CAMK2A: variants seen among roughly 807,000 people sequenced by gnomAD.
CAMK2A encodes calcium/calmodulin dependent protein kinase II alpha, also known as calcium/calmodulin-dependent protein kinase type II subunit alpha.
Under a neutral mutation model 79.2 loss-of-function variants are expected in CAMK2A, and 7 were observed. That is an observed-to-expected ratio of 0.09 (90% CI 0.05 to 0.17). The LOEUF (loss-of-function observed/expected upper bound fraction) is 0.17, where lower values mean the gene tolerates loss of function less well. CAMK2A is among the 10% of genes least tolerant of loss of function. The pLI is 1.00. For synonymous variants in CAMK2A, 242 were observed against 251.7 expected (o/e 0.96, Z 0.36); for missense variants, 214 against 646.4 (o/e 0.33, Z 7.25).
At chr5:150,274,058 C>G (rs774071184) in intron 1 of CAMK2A, among the ~76,000 whole-genome samples, 3 of 152,156 alleles carry the variant, frequency 2.0e-5, no homozygotes, top group African/African-American at 4.8e-5. Flanking sequence ...TGCAAGAGTG[C>G]CTGTTTCCTT....
intron 2 of CAMK2A, among the ~76,000 whole-genome samples, chr5:150,265,629 C>T (rs1756481344): frequency 6.6e-6 from 1 of 152,152 alleles, no homozygotes. Context: ...ACACCTGGCA[C>T]ATACTAGGTG....
intron 14 of CAMK2A, 82 bp from the exon 15 acceptor site, chr5:150,238,830 C>T (rs911846931): frequency 2.3e-5 from 29 of 1,237,490 alleles, no homozygotes; most frequent in African/African-American, 9.2e-5. Context: ...CCTGGTGACG[C>T]GGCTGGTTTC....
At chr5:150,289,517 C>A (rs747004160) in intron 1 of CAMK2A, 47 bp downstream of exon 1, 12 of 1,491,670 alleles carry the variant, frequency 8.0e-6, no homozygotes, top group East Asian at 2.3e-5. Flanking sequence ...GAGACCCTGA[C>A]CTCCCCGCCC....
chr5:150,247,678 C>T, intron 12 of CAMK2A, 94 bp downstream of exon 12: 2 of 990,496 alleles, frequency 2.0e-6, no homozygotes, highest in Non-Finnish European at 3.1e-6. Context: ...CTCCCCAGGC[C>T]CAGTGGCCTG....
intron 2 of CAMK2A, among the ~76,000 whole-genome samples, chr5:150,270,287 G>A (rs1756694996): frequency 6.6e-6 from 1 of 152,220 alleles, no homozygotes; most frequent in South Asian, 2.1e-4. Context: ...TTTTTAAAAA[G>A]CTCCCAAAGG....
At chr5:150,251,930 C>T in intron 8 of CAMK2A, 52 bp downstream of exon 8, 1 of 1,586,748 alleles carries the variant, frequency 6.3e-7, no homozygotes, top group South Asian at 1.1e-5. Flanking sequence ...AGAGGGGGCC[C>T]CAGAGGCCGG....
chr5:150,269,652 C>A (rs1756654404), intron 2 of CAMK2A, among the ~76,000 whole-genome samples: 1 of 152,268 alleles, frequency 6.6e-6, no homozygotes, highest in East Asian at 1.9e-4. Context: ...CCAAACCCAG[C>A]CCCATTCTAA....
chr5:150,278,603 A>G (rs1757065811), intron 1 of CAMK2A, among the ~76,000 whole-genome samples: 1 of 152,106 alleles, frequency 6.6e-6, no homozygotes, highest in South Asian at 2.1e-4. Flanking sequence ...GATGGCCAAG[A>G]GTCCCAAGAG....
intron 3 of CAMK2A, among the ~76,000 whole-genome samples, chr5:150,260,445 TGA>T (rs1435570719): frequency 2.2e-5 from 3 of 136,040 alleles, no homozygotes; most frequent in African/African-American, 8.4e-5. Flanking sequence ...GGTGACAGGG[TGA>T]GAGTCCGTCT....
At chr5:150,252,959 G>C (rs1755896873) in intron 7 of CAMK2A, among the ~76,000 whole-genome samples, 1 of 152,234 alleles carries the variant, frequency 6.6e-6, no homozygotes, top group Non-Finnish European at 1.5e-5. Flanking sequence ...AGCTTAAAGA[G>C]ACCCAGTTAT....
chr5:150,283,415 C>T lies in CAMK2A; in HGVS notation c.62+6149G>A, dbSNP rs563587859. ...ATAGAGACAAGGTCTTGCTCTGTCA[C>T]CCAGGCTGGAGTGCAGTGGCATGAT... On this transcript the variant is annotated intron_variant, in intron 1 of 18. Transcript: ENST00000671881. Among the ~76,000 whole-genome samples, 17 of 152,300 alleles carry T rather than the reference C, an allele frequency of 1.1e-4. No homozygotes were observed. In the South Asian group the frequency reaches 3.3e-3, roughly 30 times the overall value.
At chr5:150,259,777 C>T (rs2009273) in intron 3 of CAMK2A, among the ~76,000 whole-genome samples, 62,157 of 151,440 alleles carry the variant, frequency 0.41, 14,856 homozygotes, top group African/African-American at 0.67. Flanking sequence ...GAGACCAGCC[C>T]GGCCAATATG....
chr5:150,253,862 G>GCAA (rs57952459), intron 6 of CAMK2A, among the ~76,000 whole-genome samples: 5,692 of 151,496 alleles, frequency 0.038, 360 homozygotes, highest in African/African-American at 0.13. Context: ...CAATAAAGCA[G>GCAA]CAGCAGCAGC....
rs78294397 is a variant in CAMK2A, at chr5:150,285,947, C to T, written c.62+3617G>A. Among the ~76,000 whole-genome samples the T allele has an allele frequency of 2.5e-3, 374 of 152,126 alleles. 14 individuals are homozygous for T. The East Asian group carries it at 0.067, about 27-fold the overall frequency. The stretch of plus-strand genomic sequence containing the variant: ...CGTTTTCCACTTCCTTGAACGTGAC[C>T]CCTTCCCTGGGCCATCTGCTGCATC... On this transcript the variant is annotated intron_variant, in intron 1 of 18. Coordinates refer to ENST00000671881, the MANE Select transcript of CAMK2A (RefSeq NM_015981.4).
At chr5:150,263,636 C>A (rs1340336684) in intron 3 of CAMK2A, among the ~76,000 whole-genome samples, 2 of 152,124 alleles carry the variant, frequency 1.3e-5, no homozygotes, top group African/African-American at 4.8e-5. Context: ...CATTCACACA[C>A]ATATTCACTC....
At chr5:150,241,697 C>T (rs913974457) in intron 13 of CAMK2A, among the ~76,000 whole-genome samples, 1 of 149,550 alleles carries the variant, frequency 6.7e-6, no homozygotes, top group Non-Finnish European at 1.5e-5. Context: ...TCAACTCCTC[C>T]TCCTTCCTCT....
Position 150,284,433 on chromosome 5 carries a change from T to G in CAMK2A, c.62+5131A>C, listed in dbSNP as rs1276712348. ...TGCCCTCACCCCACAGAGAGGGCCA[T>G]GGCCCAGACTGCAGGGCATGCTGGC... On this transcript the variant is annotated intron_variant, in intron 1 of 18. Transcript: ENST00000671881. This position sits in a 1 kb window ranked among gnomAD's most constrained non-coding sequence, Gnocchi z 5.3. Among the ~76,000 whole-genome samples the G allele has an allele frequency of 7.3e-6, 1 of 136,116 alleles. No individual in the cohort carries two copies. Among genetic ancestry groups the G allele is most frequent in the African/African-American group, 2.7e-5 (1 of 36,854 alleles). The allele number at this position is 136,116 out of a possible 152,430, so 89.3% of individuals were successfully genotyped here. A position where few individuals can be genotyped will look rare whatever the true frequency, so the allele number is the denominator to read the frequency against.
chr5:150,285,996 A>G (rs1757411069), intron 1 of CAMK2A, among the ~76,000 whole-genome samples: 1 of 152,048 alleles, frequency 6.6e-6, no homozygotes, highest in Non-Finnish European at 1.5e-5. Context: ...TTGCCCAATA[A>G]CCAGCATTCT....
chr5:150,269,007 C>T (rs919835788), intron 2 of CAMK2A, among the ~76,000 whole-genome samples: 8 of 151,924 alleles, frequency 5.3e-5, no homozygotes, highest in Admixed American at 1.3e-4. Flanking sequence ...CTCAAGTGAT[C>T]CTCCCACCTC....
Sources: allele counts gnomAD v4.1 joint callset (sites outside exome capture counted in the v4.1 genomes callset), GRCh38; gene constraint gnomAD v4.1.1; non-coding constraint Gnocchi (gnomAD v3.1); transcripts MANE v1.5; gene names NCBI Gene and HGNC (gene_info 2026-07-23, HGNC 2026-07-21).